The following NUP205 variants were observed in gnomAD, a reference collection of about 807,000 sequenced individuals.
The protein encoded by NUP205 is nucleoporin 205.
NUP205 carries 76 observed loss-of-function variants against 253.8 expected under a neutral mutation model. The observed-to-expected ratio is 0.30, with a 90% confidence interval of 0.25 to 0.36. NUP205 has a LOEUF of 0.36. Among genes scored for constraint, NUP205 ranks in the 10% least tolerant of loss-of-function variants. The pLI, the probability that NUP205 is intolerant of heterozygous loss-of-function variation, is 1.00. For missense variants in NUP205, 2,162 were observed against 2,425.5 expected, an observed-to-expected ratio of 0.89 and a Z score of 2.28; for synonymous variants, 832 against 850.1, an observed-to-expected ratio of 0.98 and a Z score of 0.37.
rs527974140 is a variant in NUP205, at chr7:135,560,947, T to C, written c.28+2975T>C. Reference sequence around the variant, plus strand: ...ACTGCTGAACTGTACACTTAAAATTTGTTGAGATTGCATTCTATGTTATGT... The same window carrying C: ...ACTGCTGAACTGTACACTTAAAATTCGTTGAGATTGCATTCTATGTTATGT... On this transcript the variant is annotated intron_variant, in intron 1 of 42. Transcript: ENST00000285968. Among the ~76,000 whole-genome samples the C allele has an allele frequency of 5.3e-5, 8 of 152,340 alleles. No individual in the cohort carries two copies. The East Asian group carries it at 1.3e-3, about 26-fold the overall frequency.
intron 22 of NUP205, among the ~76,000 whole-genome samples, chr7:135,611,001 C>CTTT (rs753311876): frequency 7.3e-6 from 1 of 137,878 alleles, no homozygotes. Context: ...TCCTTCTCTT[C>CTTT]TTTTTTTTTT....
At chr7:135,617,001 G>A (rs939284200) in intron 25 of NUP205, 89 bp from the exon 26 acceptor site, 1 of 942,566 alleles carries the variant, frequency 1.1e-6, no homozygotes, top group Non-Finnish European at 1.6e-6. Context: ...TCTGAAAATA[G>A]CACTGTCTTT....
intron 1 of NUP205, among the ~76,000 whole-genome samples, chr7:135,561,652 T>A (rs1319477300): frequency 6.6e-6 from 1 of 152,218 alleles, no homozygotes. Context: ...CTCTCAAACC[T>A]ACAAACCTAG....
At chr7:135,591,757 A>G (rs1806635345) in intron 11 of NUP205, among the ~76,000 whole-genome samples, 157 bp downstream of exon 11, 1 of 152,250 alleles carries the variant, frequency 6.6e-6, no homozygotes, top group African/African-American at 2.4e-5. Flanking sequence ...ATACAGCTTT[A>G]TGCATAGTGA....
rs149348899 is a variant in NUP205 at position 135,597,442 on chromosome 7, A to G, written c.2064+24A>G. The G allele has an allele frequency of 4.3e-3, 6,303 of 1,470,436 alleles. 19 individuals carry two copies. The highest frequency in any genetic ancestry group is 5.1e-3 in the Non-Finnish European group (5,388 of 1,049,382). 91.1% of individuals were successfully genotyped at this position (1,470,436 alleles called of 1,614,324 possible). On this transcript the variant is annotated intron_variant, in intron 14 of 42. Coordinates refer to ENST00000285968, the MANE Select transcript of NUP205 (RefSeq NM_015135.3). Reference sequence around the variant, plus strand: ...AGGTAAAGTTTTCCTTTTAGTTTAAATGTTAATTCATTCATGCATGTAATG... The same window carrying G: ...AGGTAAAGTTTTCCTTTTAGTTTAAGTGTTAATTCATTCATGCATGTAATG...
In NUP205 at chr7:135,604,453, A is replaced by G. The variant is rs1360399070; in HGVS notation, c.2816A>G (p.His939Arg). The part of the protein sequence containing the change: ...IQIKLVGDFT[H>R]DQSISQKLMA... The stretch of plus-strand genomic sequence containing the variant: ...ATAAAGTTGGTTGGAGATTTCACAC[A>G]TGACCAGGTAACTGATTTTGTTGCT... The change falls in exon 19 of 43, where the codon CAT becomes CGT. Residue 939 changes from histidine (H) to arginine (R), a missense_variant. Physicochemically the swap from His to Arg is conservative, Grantham distance 29. Transcript: ENST00000285968. The G allele has an allele frequency of 3.7e-6, 6 of 1,600,854 alleles. No individual in the cohort carries two copies. Among genetic ancestry groups the G allele is most frequent in the Non-Finnish European group, 4.2e-6 (5 of 1,176,590 alleles).
chr7:135,609,028 C>T (rs986546798), intron 22 of NUP205, among the ~76,000 whole-genome samples: 5 of 144,480 alleles, frequency 3.5e-5, no homozygotes, highest in Non-Finnish European at 6.0e-5. Flanking sequence ...TGCTTCTACC[C>T]GGGAGGCAGA....
chr7:135,637,846 CACT>C (rs1341167880), intron 36 of NUP205, 82 bp from the exon 37 acceptor site: 2 of 1,258,380 alleles, frequency 1.6e-6, no homozygotes, highest in Admixed American at 4.8e-5. Context: ...TTCCATTCTC[CACT>C]GAGTTTTTCT....
Position 135,643,196 on chromosome 7 carries a change from C to A in NUP205, c.5397C>A (p.Thr1799=). 6.2e-7 allele frequency: 1 copy of A among 1,613,168 alleles called. No homozygotes were observed. The change falls in exon 39 of 43, where the codon ACC becomes ACA. Residue 1799 remains threonine (T), a synonymous_variant. Coordinates refer to ENST00000285968, the MANE Select transcript of NUP205 (RefSeq NM_015135.3). The part of the protein sequence containing the change: ...TVNRDGPRQD[T]QAPVVPYWRL... ...TTATGTCATCACCTCTATTAGATAC[C>A]CAAGCTCCAGTGGTTCCATACTGGC...
At chr7:135,579,025 A>T in intron 7 of NUP205, 110 bp downstream of exon 7, 1 of 786,828 alleles carries the variant, frequency 1.3e-6, no homozygotes, top group Non-Finnish European at 1.9e-6. Context: ...ATAGGAAGAT[A>T]TCCAGAGTTG....
chr7:135,581,870 CA>C (rs907908544), intron 7 of NUP205, among the ~76,000 whole-genome samples: 4 of 151,082 alleles, frequency 2.6e-5, no homozygotes, highest in Non-Finnish European at 5.9e-5. Flanking sequence ...AAAAAATCAA[CA>C]AAAAAACCAA....
In NUP205 at chr7:135,577,096, A is replaced by G. The variant is rs376210354; in HGVS notation, c.616A>G (p.Arg206Gly). The G allele has an allele frequency of 6.2e-7, 1 of 1,613,822 alleles. No homozygotes were observed. Among genetic ancestry groups the G allele is most frequent in the Non-Finnish European group, 8.5e-7 (1 of 1,179,942 alleles). The part of the protein sequence containing the change: ...NNEFEKLQRE[R>G]GLGSEKHRKE... ...TGAGTTTGAGAAACTACAGCGAGAG[A>G]GAGGTTTGGGCAGTGAAAAACATCG... The change falls in exon 5 of 43, where the codon AGA becomes GGA. Residue 206 changes from arginine to glycine, a missense_variant. By Grantham distance (125) the Arg-to-Gly change is moderately radical. This residue lies in a region of NUP205 where 892 missense variants were observed against 957.1 expected (regional missense o/e 0.93). Transcript: ENST00000285968.
At chr7:135,585,555 ATT>A (rs576344850) in intron 8 of NUP205, among the ~76,000 whole-genome samples, 4 of 144,856 alleles carry the variant, frequency 2.8e-5, no homozygotes, top group Admixed American at 6.9e-5. Flanking sequence ...AATTGTTTAG[ATT>A]TTTTTTTTTT....
chr7:135,594,826 A>G (rs1056515687), intron 13 of NUP205, 97 bp downstream of exon 13: 7 of 933,668 alleles, frequency 7.5e-6, no homozygotes, highest in East Asian at 5.0e-5. Flanking sequence ...AACTTATAGT[A>G]TATCATGAAC....
In NUP205 at chr7:135,591,435, TTCTC is replaced by T; in HGVS notation, c.1474-11_1474-8del. ...GATATACATTATATAAACCATTTGTTTCTCTCTTTTTCAGGTTGTCTTGTCAAAG... is the reference window on the plus strand; with the variant it reads ...GATATACATTATATAAACCATTTGTTTCTTTTTCAGGTTGTCTTGTCAAAG... On this transcript the variant is annotated splice_polypyrimidine_tract_variant and intron_variant, in intron 10 of 42. Coordinates refer to ENST00000285968, the MANE Select transcript of NUP205 (RefSeq NM_015135.3). 1 of 1,612,248 alleles carries T rather than the reference TTCTC, an allele frequency of 6.2e-7. No homozygotes were observed.
intron 38 of NUP205, among the ~76,000 whole-genome samples, chr7:135,639,437 C>T (rs1311503915): frequency 6.6e-6 from 1 of 152,044 alleles, no homozygotes; most frequent in Non-Finnish European, 1.5e-5. Flanking sequence ...CGCCTGTAAT[C>T]CTAGCACTTT....
At chr7:135,642,189 C>T (rs966780867) in intron 38 of NUP205, among the ~76,000 whole-genome samples, 6 of 149,856 alleles carry the variant, frequency 4.0e-5, no homozygotes, top group South Asian at 2.1e-4. Flanking sequence ...CAGGAGGTGG[C>T]GGTTGCAGTG....
chr7:135,645,652 G>A, intron 41 of NUP205, 56 bp downstream of exon 41: 1 of 1,541,240 alleles, frequency 6.5e-7, no homozygotes, highest in South Asian at 1.2e-5. Flanking sequence ...GCCTTGAAAA[G>A]CTAGTACCAG....
intron 32 of NUP205, among the ~76,000 whole-genome samples, chr7:135,625,984 G>A (rs1435795393): frequency 2.0e-5 from 3 of 152,194 alleles, no homozygotes; most frequent in Non-Finnish European, 4.4e-5. Flanking sequence ...GGGCCCACAT[G>A]ATAATAACAG....
Sources: gnomAD v4.1 joint callset for allele counts (sites outside exome capture counted in the v4.1 genomes callset) on GRCh38, gnomAD v4.1.1 for gene constraint, gnomAD v4.1.1 regional missense constraint, MANE v1.5 for transcripts, NCBI Gene and HGNC (gene_info 2026-07-23, HGNC 2026-07-21) for gene names.